The following TENM2 variants were observed in gnomAD, a reference collection of about 807,000 sequenced individuals.
TENM2 encodes teneurin transmembrane protein 2, also known as teneurin-2.
A neutral mutation model predicts 245.2 loss-of-function variants in TENM2; 52 were observed. The ratio of observed to expected loss-of-function variants is 0.21; its 90% CI spans 0.17 to 0.27. The LOEUF (loss-of-function observed/expected upper bound fraction) is 0.27, where lower values mean the gene tolerates loss of function less well. TENM2 is among the 10% of genes least tolerant of loss of function. The pLI, the probability that TENM2 is intolerant of heterozygous loss-of-function variation, is 1.00. For synonymous variants in TENM2, 1,363 were observed against 1,438.9 expected, an observed-to-expected ratio of 0.95 and a Z score of 1.19; for missense variants, 3,046 against 3,666.8, an observed-to-expected ratio of 0.83 and a Z score of 4.37.
the TENM2 span, among the ~76,000 whole-genome samples, chr5:167,222,719 C>A: frequency 1.3e-5 from 2 of 152,146 alleles, no homozygotes; most frequent in Non-Finnish European, 2.9e-5. Flanking sequence ...CTGTTTACAT[C>A]CCAGTTCGCA....
chr5:167,182,241 T>C, the TENM2 span, among the ~76,000 whole-genome samples: 1 of 152,168 alleles, frequency 6.6e-6, no homozygotes, highest in South Asian at 2.1e-4. Context: ...CTAATATCTA[T>C]ATATTTATAA....
chr5:167,903,376 C>T lies in TENM2; in HGVS notation c.712+27181C>T, dbSNP rs188455037. On this transcript the variant is annotated intron_variant, in intron 3 of 28. Transcript: ENST00000518659. ...AATATAATGATTACCAATGTGAGAG[C>T]GATGCCAGAAAGAGACAGGGTGCTG... 1.1e-4 allele frequency among the ~76,000 whole-genome samples: 16 copies of T among 152,122 alleles called. No homozygotes were observed. The East Asian group carries it at 1.5e-3, about 15-fold the overall frequency.
At chr5:167,696,727 C>A (rs1330454220) in intron 2 of TENM2, among the ~76,000 whole-genome samples, 9 of 152,162 alleles carry the variant, frequency 5.9e-5, no homozygotes, top group Non-Finnish European at 8.8e-5. Flanking sequence ...AGCGCGAAGG[C>A]CCTGCTTGCA....
At chr5:167,056,425 T>C in the TENM2 span, among the ~76,000 whole-genome samples, 3 of 148,802 alleles carry the variant, frequency 2.0e-5, no homozygotes, top group Admixed American at 6.8e-5. Flanking sequence ...CAAAGTTGGA[T>C]GTAAATCTTA....
At chr5:168,229,430 G>A (rs1433862681) in intron 25 of TENM2, among the ~76,000 whole-genome samples, 3 of 152,106 alleles carry the variant, frequency 2.0e-5, no homozygotes, top group Non-Finnish European at 4.4e-5. Flanking sequence ...TGGGGAGGGG[G>A]AATGTAATGG....
intron 2 of TENM2, among the ~76,000 whole-genome samples, chr5:167,648,954 G>A (rs1295991596): frequency 6.6e-6 from 1 of 152,152 alleles, no homozygotes; most frequent in Non-Finnish European, 1.5e-5. Flanking sequence ...TGATCCTCTT[G>A]TGCTACCATG....
chr5:167,606,407 G>A (rs1191021596), intron 2 of TENM2, among the ~76,000 whole-genome samples: 1 of 152,042 alleles, frequency 6.6e-6, no homozygotes, highest in Non-Finnish European at 1.5e-5. Context: ...AGGGGCAGAG[G>A]GGAAAAGGAG....
At chr5:168,031,468 G>A (rs529484992) in intron 5 of TENM2, among the ~76,000 whole-genome samples, 1 of 152,106 alleles carries the variant, frequency 6.6e-6, no homozygotes, top group Non-Finnish European at 1.5e-5. Flanking sequence ...TCTTTGTCGG[G>A]TTCTTAACTG....
At chr5:167,329,363 G>A (rs1757289503) in intron 1 of TENM2, among the ~76,000 whole-genome samples, 1 of 147,126 alleles carries the variant, frequency 6.8e-6, no homozygotes, top group African/African-American at 2.5e-5. Flanking sequence ...GGCTAACATG[G>A]TGAAACCCCA....
At chr5:167,992,814 T>G (rs988130458) in intron 4 of TENM2, 130 bp from the exon 7 acceptor site, 1 of 670,716 alleles carries the variant, frequency 1.5e-6, no homozygotes, top group South Asian at 1.9e-5. Flanking sequence ...TCGCCCCTTC[T>G]TCCACTCCAG....
chr5:167,244,483 G>A, the TENM2 span, among the ~76,000 whole-genome samples: 15 of 152,186 alleles, frequency 9.9e-5, no homozygotes, highest in Admixed American at 7.2e-4. Flanking sequence ...CAGTTAAATG[G>A]CTGCGTTTTC....
chr5:168,100,710 A>T (rs2152283741), intron 9 of TENM2, among the ~76,000 whole-genome samples: 1 of 152,216 alleles, frequency 6.6e-6, no homozygotes, highest in Middle Eastern at 3.4e-3. Context: ...CAGGGAGGGG[A>T]ACATCACACA....
intron 1 of TENM2, among the ~76,000 whole-genome samples, chr5:167,340,694 T>C (rs1758043834): frequency 6.6e-6 from 1 of 152,250 alleles, no homozygotes; most frequent in Admixed American, 6.5e-5. Flanking sequence ...ATATATTTTT[T>C]ATGAAGATTG....
rs955174327 is a variant in TENM2, at chr5:167,350,650, A to G, written c.227-24548A>G. 1.1e-3 allele frequency among the ~76,000 whole-genome samples: 145 copies of G among 137,388 alleles called. 2 individuals carry two copies. Among genetic ancestry groups the G allele is most frequent in the African/African-American group, 3.6e-3 (134 of 37,746 alleles). The allele number at this position is 137,388 out of a possible 152,430, so 90.1% of individuals were successfully genotyped here. A position where few individuals can be genotyped will look rare whatever the true frequency, so the allele number is the denominator to read the frequency against. ...GGATATATATATATGGGATACGTAT[A>G]TGGATATATATATGGGATACATATA... On this transcript the variant is annotated intron_variant, in intron 1 of 28. Coordinates refer to ENST00000518659, the Ensembl canonical transcript of TENM2.
At chr5:167,374,944 A>C (rs1010115691) in intron 1 of TENM2, among the ~76,000 whole-genome samples, 4 of 152,200 alleles carry the variant, frequency 2.6e-5, no homozygotes, top group African/African-American at 9.7e-5. Flanking sequence ...AACAGGGTCA[A>C]CATGCCTAAA....
chr5:167,708,240 G>A (rs1758668862), intron 2 of TENM2, among the ~76,000 whole-genome samples: 1 of 149,634 alleles, frequency 6.7e-6, no homozygotes, highest in Admixed American at 6.7e-5. Context: ...GATGGAGAGA[G>A]AGAGAGAGAG....
intron 2 of TENM2, among the ~76,000 whole-genome samples, chr5:167,567,175 G>T (rs867847963): frequency 6.6e-6 from 1 of 152,090 alleles, no homozygotes; most frequent in Non-Finnish European, 1.5e-5. Context: ...TTACAAATAA[G>T]AAAGATACAT....
rs115084852 is a variant in TENM2 at position 167,546,487 on chromosome 5, G to A, written c.502+171014G>A. Among the ~76,000 whole-genome samples, 96 of 152,298 alleles carry A rather than the reference G, an allele frequency of 6.3e-4. 1 individual carries two copies. Among genetic ancestry groups the A allele is most frequent in the African/African-American group, 2.2e-3 (93 of 41,562 alleles). ...AAGAAATGGAGTCTGGTGCCTCAGT[G>A]AGCTCAGACCTCCCCTCGATGACTA... is the stretch of plus-strand genomic sequence containing the variant. On this transcript the variant is annotated intron_variant, in intron 2 of 28. Coordinates refer to ENST00000518659, the Ensembl canonical transcript of TENM2.
chr5:168,140,187 A>G (rs1755413786), intron 12 of TENM2, among the ~76,000 whole-genome samples: 1 of 152,162 alleles, frequency 6.6e-6, no homozygotes, highest in South Asian at 2.1e-4. Flanking sequence ...TGCATGGTGA[A>G]TTTTCTCCAA....
Sources: allele counts gnomAD v4.1 joint callset (sites outside exome capture counted in the v4.1 genomes callset), GRCh38; gene constraint gnomAD v4.1.1; transcripts MANE v1.5; gene names NCBI Gene and HGNC (gene_info 2026-07-23, HGNC 2026-07-21).